CRHR2: variants seen among roughly 807,000 people sequenced by gnomAD.
CRHR2 encodes corticotropin-releasing hormone receptor 2.
CRHR2 carries 53 observed loss-of-function variants against 57.9 expected under a neutral mutation model. That is an observed-to-expected ratio of 0.92 (90% CI 0.73 to 1.15). The LOEUF is 1.15. Ranked by LOEUF, CRHR2 falls within the 50% of genes most tolerant of loss-of-function variation. CRHR2 has a pLI of 0.00. For missense variants in CRHR2, 532 were observed against 542.6 expected, an observed-to-expected ratio of 0.98 and a Z score of 0.19; for synonymous variants, 213 against 220.9, an observed-to-expected ratio of 0.96 and a Z score of 0.32.
intron 8 of CRHR2, 88 bp downstream of exon 8, chr7:30,660,485 C>A: frequency 7.3e-7 from 1 of 1,366,654 alleles, no homozygotes. Context: ...GCTGCCCATG[C>A]CACATCTTTC....
chr7:30,683,436 G>T (rs1432017655), upstream of CRHR2, among the ~76,000 whole-genome samples: 2 of 152,152 alleles, frequency 1.3e-5, no homozygotes, highest in African/African-American at 4.8e-5. Context: ...CCCCACCCTG[G>T]CCCAGAATGC....
At chr7:30,664,608 T>C (rs997142464) in intron 5 of CRHR2, among the ~76,000 whole-genome samples, 5 of 152,096 alleles carry the variant, frequency 3.3e-5, no homozygotes, top group African/African-American at 1.2e-4. Flanking sequence ...GCTCCCAGCC[T>C]GGCAGCTTCC....
intron 2 of CRHR2, among the ~76,000 whole-genome samples, chr7:30,668,218 T>A (rs1364966291): frequency 6.6e-6 from 1 of 152,178 alleles, no homozygotes; most frequent in African/African-American, 2.4e-5. Context: ...TTTGCCTTTC[T>A]CTCTATCTCA....
intron 2 of CRHR2, among the ~76,000 whole-genome samples, chr7:30,681,344 C>G (rs961586016): frequency 2.6e-5 from 4 of 152,172 alleles, no homozygotes; most frequent in African/African-American, 9.7e-5. Context: ...CCTGGGACCT[C>G]GGATTAGGGA....
In CRHR2 at chr7:30,657,173, C is replaced by G. The variant is rs571445273; in HGVS notation, c.832-1161G>C. On this transcript the variant is annotated intron_variant, in intron 8 of 11. Coordinates refer to ENST00000471646, the MANE Select transcript of CRHR2 (RefSeq NM_001883.5). ...GCTTGGGCTGGGCCCTTCTAACCCT[C>G]CCAAGTTCTGAATCCTGGCTGGGAG... 3.3e-5 allele frequency among the ~76,000 whole-genome samples: 5 copies of G among 152,292 alleles called. No individual in the cohort carries two copies. The South Asian group carries it at 1.0e-3, about 32-fold the overall frequency.
chr7:30,664,944 G>C (rs1784126129), intron 5 of CRHR2, 126 bp downstream of exon 5: 1 of 733,606 alleles, frequency 1.4e-6, no homozygotes, highest in South Asian at 1.6e-5. Flanking sequence ...AGAAGAAGAG[G>C]GCTGCTTTAG....
chr7:30,681,760 G>T (rs1784713583), intron 2 of CRHR2, among the ~76,000 whole-genome samples, 155 bp downstream of exon 2: 1 of 152,206 alleles, frequency 6.6e-6, no homozygotes, highest in South Asian at 2.1e-4. Flanking sequence ...CAGAAGGCGC[G>T]CCCCCAACAC....
chr7:30,655,405 C>T (rs1347321912), intron 10 of CRHR2, among the ~76,000 whole-genome samples, 175 bp downstream of exon 10: 1 of 152,186 alleles, frequency 6.6e-6, no homozygotes, highest in Non-Finnish European at 1.5e-5. Flanking sequence ...AAGACCCAGG[C>T]TGGGATGGGG....
intron 8 of CRHR2, among the ~76,000 whole-genome samples, chr7:30,657,276 G>A (rs781672265): frequency 4.1e-4 from 62 of 152,134 alleles, no homozygotes; most frequent in Non-Finnish European, 6.2e-4. Flanking sequence ...AAGCTTTCGG[G>A]TAGCCCTAGG....
chr7:30,676,372 G>A (rs1784515755), intron 2 of CRHR2, among the ~76,000 whole-genome samples: 1 of 152,182 alleles, frequency 6.6e-6, no homozygotes, highest in Non-Finnish European at 1.5e-5. Context: ...ATGGAATAGA[G>A]TCAGGGGGGA....
upstream of CRHR2, among the ~76,000 whole-genome samples, chr7:30,684,290 A>T (rs1353840603): frequency 6.6e-6 from 1 of 152,244 alleles, no homozygotes; most frequent in African/African-American, 2.4e-5. Context: ...ATGTATTCAC[A>T]GGGCAATAGT....
At chr7:30,691,194 A>G (rs1422196370) in intron 1 of CRHR2, among the ~76,000 whole-genome samples, 2 of 152,074 alleles carry the variant, frequency 1.3e-5, no homozygotes, top group Non-Finnish European at 2.9e-5. Context: ...TCTAGGTCTG[A>G]CCCATCACCC....
chr7:30,657,642 T>A (rs1480078047), intron 8 of CRHR2, among the ~76,000 whole-genome samples: 2 of 152,206 alleles, frequency 1.3e-5, no homozygotes, highest in Non-Finnish European at 2.9e-5. Flanking sequence ...GAATTCAATA[T>A]TAATCTTCCA....
rs200091848 is a variant in CRHR2, at chr7:30,665,042, A to G, written c.543+28T>C. 8 of 1,590,482 alleles carry G rather than the reference A, an allele frequency of 5.0e-6. No individual in the cohort carries two copies. Among genetic ancestry groups the G allele is most frequent in the Admixed American group, 1.7e-5 (1 of 59,976 alleles). Reference sequence around the variant, plus strand: ...CCCCGGAGCCCAGAGCCCCCCAGGTATAGCCCCGAGTCTCCCCGAGCAATG... The same window carrying G: ...CCCCGGAGCCCAGAGCCCCCCAGGTGTAGCCCCGAGTCTCCCCGAGCAATG... On this transcript the variant is annotated intron_variant, in intron 5 of 11. Coordinates refer to ENST00000471646, the MANE Select transcript of CRHR2 (RefSeq NM_001883.5). This position sits in a 1 kb window ranked among gnomAD's most constrained non-coding sequence, Gnocchi z 4.5.
At chr7:30,676,837 G>A (rs889359009) in intron 2 of CRHR2, among the ~76,000 whole-genome samples, 3 of 152,244 alleles carry the variant, frequency 2.0e-5, no homozygotes, top group Admixed American at 1.3e-4. Flanking sequence ...CTCTAGAATG[G>A]GGTTCTGGGA....
rs998187497 is a variant in CRHR2, at chr7:30,656,945, G to A, written c.832-933C>T. On this transcript the variant is annotated intron_variant, in intron 8 of 11. Transcript: ENST00000471646. This position sits in a 1 kb window ranked among gnomAD's most constrained non-coding sequence, Gnocchi z 4.4. The stretch of plus-strand genomic sequence containing the variant: ...TCTGCGTTTCTCTTCACCTGCCTCC[G>A]AGCATAGGCAGGCAGGCAGGCAAGG... Among the ~76,000 whole-genome samples the A allele has an allele frequency of 2.0e-5, 3 of 152,238 alleles. No homozygotes were observed. The highest frequency in any genetic ancestry group is 6.5e-5 in the Admixed American group (1 of 15,300).
intron 2 of CRHR2, among the ~76,000 whole-genome samples, chr7:30,667,743 C>T (rs1481845209): frequency 1.3e-5 from 2 of 152,186 alleles, no homozygotes; most frequent in African/African-American, 4.8e-5. Flanking sequence ...ATTTATATAG[C>T]ATATGTTTCC....
intron 2 of CRHR2, among the ~76,000 whole-genome samples, chr7:30,674,577 G>A (rs537525418): frequency 1.2e-4 from 19 of 152,348 alleles, no homozygotes; most frequent in Admixed American, 1.1e-3. Flanking sequence ...CTGGCTCTCA[G>A]TTCCTAGTTC....
At chr7:30,681,683 A>G (rs1027268294) in intron 2 of CRHR2, among the ~76,000 whole-genome samples, 1 of 152,184 alleles carries the variant, frequency 6.6e-6, no homozygotes, top group African/African-American at 2.4e-5. Context: ...CTGTCACCGC[A>G]TGGAGCACGG....
Sources: gnomAD v4.1 joint callset for allele counts (sites outside exome capture counted in the v4.1 genomes callset) on GRCh38, gnomAD v4.1.1 for gene constraint, Gnocchi (gnomAD v3.1) non-coding constraint, MANE v1.5 for transcripts, NCBI Gene and HGNC (gene_info 2026-07-23, HGNC 2026-07-21) for gene names.